MICAL3: variants seen among roughly 807,000 people sequenced by gnomAD.
MICAL3 encodes the protein microtubule associated monooxygenase, calponin and LIM domain containing 3, also known as [F-actin]-monooxygenase MICAL3.
A neutral mutation model predicts 207.4 loss-of-function variants in MICAL3; 62 were observed. That is an observed-to-expected ratio of 0.30 (90% CI 0.24 to 0.37). MICAL3 has a LOEUF of 0.37. MICAL3 is among the 10% of genes least tolerant of loss of function. The pLI, the probability that MICAL3 is intolerant of heterozygous loss-of-function variation, is 1.00. For missense variants in MICAL3, 2,368 were observed against 2,635.6 expected, an observed-to-expected ratio of 0.90 and a Z score of 2.22; for synonymous variants, 1,077 against 1,069.3, an observed-to-expected ratio of 1.01 and a Z score of -0.14.
In MICAL3 at chr22:17,891,962, G is replaced by A. The variant is rs185912392; in HGVS notation, c.1547-330C>T. Among the ~76,000 whole-genome samples the A allele has an allele frequency of 6.6e-5, 10 of 152,300 alleles. No homozygotes were observed. In the South Asian group the frequency reaches 1.0e-3, roughly 16 times the overall value. On this transcript the variant is annotated intron_variant, in intron 11 of 31. Transcript: ENST00000441493. Reference sequence around the variant, plus strand: ...AGGAGCGCCACCTACTGTGTGGCCAGCCTGGCTTACAGCAGCTCTGAGTTC... The same window carrying A: ...AGGAGCGCCACCTACTGTGTGGCCAACCTGGCTTACAGCAGCTCTGAGTTC...
chr22:17,795,503 C>T (rs371940467), intron 29 of MICAL3, among the ~76,000 whole-genome samples: 4 of 152,268 alleles, frequency 2.6e-5, no homozygotes, highest in Admixed American at 1.3e-4. Context: ...TTCTGGACAG[C>T]ACAAAATACA....
intron 1 of MICAL3, among the ~76,000 whole-genome samples, chr22:17,972,820 A>G (rs995952254): frequency 6.6e-6 from 1 of 152,226 alleles, no homozygotes; most frequent in Non-Finnish European, 1.5e-5. Context: ...TTCCATGCAT[A>G]AGCCAGGAAA....
At chr22:17,875,459 G>A (rs560811553) in intron 16 of MICAL3, 3 of 1,564,882 alleles carry the variant, frequency 1.9e-6, no homozygotes, top group African/African-American at 2.7e-5. Context: ...GTCGGAGGGA[G>A]TCGGAGGAGG....
chr22:17,869,969 C>T (rs764194232), intron 17 of MICAL3, among the ~76,000 whole-genome samples: 17 of 152,194 alleles, frequency 1.1e-4, no homozygotes, highest in Non-Finnish European at 1.5e-5. Flanking sequence ...AGTTAGACTT[C>T]TGAGACACTT....
chr22:17,857,783 T>C (rs1017871043), intron 19 of MICAL3, among the ~76,000 whole-genome samples: 6 of 152,234 alleles, frequency 3.9e-5, no homozygotes, highest in African/African-American at 1.4e-4. Flanking sequence ...CTTCCTTTCA[T>C]GCCAGCAAGG....
chr22:17,873,220 C>T (rs1194110513), intron 16 of MICAL3, among the ~76,000 whole-genome samples: 2 of 152,240 alleles, frequency 1.3e-5, no homozygotes, highest in African/African-American at 4.8e-5. Context: ...CAGAGCTGGG[C>T]TGCATTCACA....
At position 17,900,988 on chromosome 22, in the gene MICAL3, C is replaced by T. The variant is rs746149838; in HGVS notation, c.701G>A (p.Arg234Gln). Residue 234 changes from arginine (R) to glutamine (Q), a missense_variant, in exon 6 of 32, where the codon CGG (arginine) becomes CAG (glutamine). Around this residue, in one of 4 missense-constraint regions of MICAL3, gnomAD observed 400 missense variants for 547.0 expected, o/e 0.73. Coordinates refer to ENST00000441493, the MANE Select transcript of MICAL3 (RefSeq NM_015241.3). This position sits in a 1 kb window ranked among gnomAD's most constrained non-coding sequence, Gnocchi z 4.0. ...GRRNTLEGFR[R>Q]KEFRGKLAIA... is the part of the protein sequence containing the mutation. Reference sequence around the variant, plus strand: ...GGCCAGTTTGCCACGGAATTCTTTCCGACGAAACCCTGGAGGGAAATAAAT... The same window carrying T: ...GGCCAGTTTGCCACGGAATTCTTTCTGACGAAACCCTGGAGGGAAATAAAT... 6.8e-6 allele frequency: 11 copies of T among 1,613,904 alleles called. No homozygotes were observed. Among genetic ancestry groups the T allele is most frequent in the Non-Finnish European group, 9.3e-6 (11 of 1,179,862 alleles).
At chr22:17,819,170 C>A in intron 25 of MICAL3, 41 bp from the exon 26 acceptor site, 2 of 1,423,518 alleles carry the variant, frequency 1.4e-6, no homozygotes, top group South Asian at 3.7e-5. Context: ...AAGGTGTGGG[C>A]TTTCACGACC....
chr22:17,937,892 C>T (rs1458504969), intron 1 of MICAL3, among the ~76,000 whole-genome samples: 2 of 152,178 alleles, frequency 1.3e-5, no homozygotes, highest in African/African-American at 4.8e-5. Flanking sequence ...CAACAAATTA[C>T]TTGCAAGAGT....
At chr22:17,864,611 A>AG (rs1196089716) in intron 19 of MICAL3, 1 of 1,539,668 alleles carries the variant, frequency 6.5e-7, no homozygotes, top group Admixed American at 1.9e-5. Context: ...GACGGGGCTG[A>AG]GGGACAGCAC....
intron 1 of MICAL3, among the ~76,000 whole-genome samples, chr22:17,957,975 C>T (rs1314524378): frequency 6.6e-6 from 1 of 152,080 alleles, no homozygotes; most frequent in African/African-American, 2.4e-5. Context: ...TGGAGTTAGA[C>T]CAAGGAAGAT....
chr22:17,851,918 C>T (rs967165581), intron 19 of MICAL3, among the ~76,000 whole-genome samples: 8 of 152,162 alleles, frequency 5.3e-5, no homozygotes, highest in African/African-American at 1.4e-4. Flanking sequence ...TGACACGTGG[C>T]GGGTGAAGGG....
chr22:17,955,820 A>G (rs1292494900), intron 1 of MICAL3, among the ~76,000 whole-genome samples: 1 of 152,166 alleles, frequency 6.6e-6, no homozygotes, highest in African/African-American at 2.4e-5. Flanking sequence ...GAGAAGCCCC[A>G]GCCAGCATCA....
intron 1 of MICAL3, among the ~76,000 whole-genome samples, chr22:17,979,767 T>C (rs964968543): frequency 7.2e-6 from 1 of 139,100 alleles, no homozygotes; most frequent in African/African-American, 2.8e-5. Context: ...GAGGCTTTAC[T>C]GGTGGATTTA....
chr22:17,905,944 G>A (rs757780366), intron 2 of MICAL3, among the ~76,000 whole-genome samples: 1 of 152,192 alleles, frequency 6.6e-6, no homozygotes, highest in South Asian at 2.1e-4. Flanking sequence ...AACATGGATG[G>A]GAAGAGGTTG....
At chr22:17,915,993 G>T (rs1470729388) in intron 1 of MICAL3, among the ~76,000 whole-genome samples, 1 of 144,906 alleles carries the variant, frequency 6.9e-6, no homozygotes, top group Non-Finnish European at 1.5e-5. Flanking sequence ...GGAGGTCGAG[G>T]CTGCAGTGAA....
At position 17,788,702 on chromosome 22, in the gene MICAL3, C is replaced by G. The variant is rs1171172950; in HGVS notation, c.*2030G>C. 1 of 152,288 alleles carries G rather than the reference C, an allele frequency of 6.6e-6. No individual in the cohort carries two copies. The highest frequency in any genetic ancestry group is 1.5e-5 in the Non-Finnish European group (1 of 68,066). 9.4% of individuals were successfully genotyped at this position (152,288 alleles called of 1,614,324 possible). A position where few individuals can be genotyped will look rare whatever the true frequency, so the allele number is the denominator to read the frequency against. On this transcript the variant is annotated 3_prime_UTR_variant, in exon 32 of 32. Transcript: ENST00000441493. ...AACAGGTGGAGAATCAGCGCTGTGG[C>G]GGCCACTAGCGGCGTTATCTCCCGG... is the stretch of plus-strand genomic sequence containing the variant.
At chr22:17,854,224 AG>A (rs57060886) in intron 19 of MICAL3, among the ~76,000 whole-genome samples, 88,606 of 151,688 alleles carry the variant, frequency 0.58, 28,758 homozygotes, top group African/African-American at 0.89. Context: ...CAGCTTGGGG[AG>A]GGGGGTGCTA....
At chr22:17,864,267 T>TGAG in intron 19 of MICAL3, 1 of 1,047,118 alleles carries the variant, frequency 9.6e-7, no homozygotes, top group Non-Finnish European at 1.2e-6. Context: ...GTGGGACAGG[T>TGAG]GAGGGCTTGG....
Sources: gnomAD v4.1 joint callset for allele counts (sites outside exome capture counted in the v4.1 genomes callset) on GRCh38, gnomAD v4.1.1 for gene constraint, gnomAD v4.1.1 regional missense constraint, Gnocchi (gnomAD v3.1) non-coding constraint, MANE v1.5 for transcripts, NCBI Gene and HGNC (gene_info 2026-07-23, HGNC 2026-07-21) for gene names.